Variants in COLEC10 observed in about 807,000 individuals in gnomAD.
The protein encoded by COLEC10 is collectin-10.
COLEC10 carries 22 observed loss-of-function variants against 28.4 expected under a neutral mutation model. The observed-to-expected ratio is 0.78, with a 90% CI of 0.55 to 1.11. The LOEUF (loss-of-function observed/expected upper bound fraction) is 1.11, where lower values mean the gene tolerates loss of function less well. Among genes scored for constraint, COLEC10 ranks in the 50% least tolerant of loss-of-function variants. The pLI, the probability that COLEC10 is intolerant of heterozygous loss-of-function variation, is 0.00. For synonymous variants in COLEC10, 125 were observed against 116.1 expected (o/e 1.08, Z -0.49); for missense variants, 361 against 344.1 (o/e 1.05, Z -0.39).
intron 1 of COLEC10, among the ~76,000 whole-genome samples, chr8:119,078,945 G>T (rs948413066): frequency 4.7e-5 from 7 of 149,790 alleles, no homozygotes; most frequent in Non-Finnish European, 8.9e-5. Flanking sequence ...ACAGAGTGTT[G>T]TAAATGTTTA....
At chr8:119,039,569 G>A (rs1289924130) in intron 2 of COLEC10, among the ~76,000 whole-genome samples, 1 of 152,176 alleles carries the variant, frequency 6.6e-6, no homozygotes, top group Non-Finnish European at 1.5e-5. Flanking sequence ...AATGGTATTA[G>A]TTTCTTTTTG....
At chr8:119,048,971 C>T (rs1206183545) in intron 2 of COLEC10, among the ~76,000 whole-genome samples, 1 of 152,134 alleles carries the variant, frequency 6.6e-6, no homozygotes, top group African/African-American at 2.4e-5. Context: ...GTAGCAGGTA[C>T]AGTTCCTTTG....
intron 2 of COLEC10, among the ~76,000 whole-genome samples, chr8:119,056,678 G>A (rs1018469212): frequency 3.3e-5 from 5 of 151,966 alleles, no homozygotes; most frequent in Non-Finnish European, 7.4e-5. Context: ...GTAAGCCACT[G>A]TTACTGGGTT....
In COLEC10 at chr8:119,007,483, TG is replaced by T. The variant is rs556565241; in HGVS notation, n.123-1956del. On this transcript the variant is annotated intron_variant and non_coding_transcript_variant, in intron 1 of 6. Transcript: ENST00000521788. ...AGAAATTATTGGGATTTACCCATTT[TG>T]GTTGACTAAGTAAAAGTAGCTTTCT... Among the ~76,000 whole-genome samples the T allele has an allele frequency of 1.4e-4, 20 of 147,408 alleles. 2 individuals carry two copies. The South Asian group carries it at 2.3e-3, about 17-fold the overall frequency.
Position 119,087,337 on chromosome 8 carries a change from C to A in COLEC10, c.149-2343C>A, listed in dbSNP as rs1389125663. Reference sequence around the variant, plus strand: ...TTTGGTATAAAGTGTTATTTTTAAGCAACAAAGGTAATTAGAGGGAGAATT... The same window carrying A: ...TTTGGTATAAAGTGTTATTTTTAAGAAACAAAGGTAATTAGAGGGAGAATT... On this transcript the variant is annotated intron_variant, in intron 1 of 5. Coordinates refer to ENST00000332843, the MANE Select transcript of COLEC10 (RefSeq NM_006438.5). Among the ~76,000 whole-genome samples the A allele has an allele frequency of 2.0e-5, 3 of 152,054 alleles. No homozygotes were observed. The East Asian group carries it at 5.8e-4, about 29-fold the overall frequency.
At chr8:119,000,674 G>A (rs974986554) in intron 1 of COLEC10, among the ~76,000 whole-genome samples, 1 of 152,160 alleles carries the variant, frequency 6.6e-6, no homozygotes, top group Non-Finnish European at 1.5e-5. Flanking sequence ...TGGAGGTCAG[G>A]AAATTTCTTA....
At position 119,106,206 on chromosome 8, in the gene COLEC10, C is replaced by A. The variant is rs374140390; in HGVS notation, c.*15C>A. 6.3e-7 allele frequency: 1 copy of A among 1,582,092 alleles called. No individual in the cohort carries two copies. Among genetic ancestry groups the A allele is most frequent in the African/African-American group, 1.4e-5 (1 of 73,964 alleles). ...AGAAAAAGTAACTTCCCTCATCCTACGTATTTGCTATTTTCCTGTGACCGT... is the reference window on the plus strand; with the variant it reads ...AGAAAAAGTAACTTCCCTCATCCTAAGTATTTGCTATTTTCCTGTGACCGT... On this transcript the variant is annotated 3_prime_UTR_variant, in exon 6 of 6. Coordinates refer to ENST00000332843, the MANE Select transcript of COLEC10 (RefSeq NM_006438.5).
At chr8:119,025,315 C>A (rs916835833) in intron 2 of COLEC10, among the ~76,000 whole-genome samples, 1 of 152,174 alleles carries the variant, frequency 6.6e-6, no homozygotes, top group Non-Finnish European at 1.5e-5. Context: ...AAAGCCTTAG[C>A]TGCTATTGCC....
intron 2 of COLEC10, among the ~76,000 whole-genome samples, chr8:119,049,985 TTGATTGCCTG>T (rs1324769409): frequency 6.6e-6 from 1 of 152,172 alleles, no homozygotes; most frequent in Non-Finnish European, 1.5e-5. Context: ...CAGACTGAAG[TTGATTGCCTG>T]TTCTCATGTT....
At chr8:119,042,119 C>T (rs1300656950) in intron 2 of COLEC10, among the ~76,000 whole-genome samples, 13 of 151,726 alleles carry the variant, frequency 8.6e-5, no homozygotes, top group Admixed American at 8.5e-4. Context: ...TGTTTCAGCC[C>T]CCCGAGAAGC....
chr8:119,023,268 A>T (rs866887414), intron 2 of COLEC10, among the ~76,000 whole-genome samples: 10 of 152,038 alleles, frequency 6.6e-5, no homozygotes, highest in Middle Eastern at 3.2e-3. Context: ...TTCATCCTTT[A>T]TTCATTCCCC....
At chr8:119,082,656 G>A (rs767494818) in intron 1 of COLEC10, among the ~76,000 whole-genome samples, 1 of 152,198 alleles carries the variant, frequency 6.6e-6, no homozygotes, top group South Asian at 2.1e-4. Context: ...GGTAGCACAT[G>A]AGCTGAACTG....
chr8:119,030,969 C>T (rs116934540), intron 2 of COLEC10, among the ~76,000 whole-genome samples: 6,673 of 152,212 alleles, frequency 0.044, 210 homozygotes, highest in East Asian at 0.16. Context: ...GGACTCTAAT[C>T]ATCTCAGATG....
intron 3 of COLEC10, among the ~76,000 whole-genome samples, chr8:119,100,640 G>A (rs73712722): frequency 0.015 from 2,225 of 152,254 alleles, 44 homozygotes; most frequent in African/African-American, 0.05. Flanking sequence ...TTTTCATAGC[G>A]AAGCTCAAAT....
At chr8:118,959,710 G>A in the COLEC10 span, among the ~76,000 whole-genome samples, 1 of 152,310 alleles carries the variant, frequency 6.6e-6, no homozygotes, top group Admixed American at 6.5e-5. Context: ...CTATAAACTA[G>A]TATACAAAAC....
chr8:119,075,546 G>T, intron 1 of COLEC10, among the ~76,000 whole-genome samples: 1 of 152,102 alleles, frequency 6.6e-6, no homozygotes, highest in East Asian at 1.9e-4. Flanking sequence ...CATGAGTTTA[G>T]GTCTCTTGTG....
intron 2 of COLEC10, among the ~76,000 whole-genome samples, chr8:119,013,424 A>G (rs1163992302): frequency 6.6e-6 from 1 of 150,618 alleles, no homozygotes; most frequent in Non-Finnish European, 1.5e-5. Context: ...CTTGAGAAGA[A>G]TGTGTATTCT....
chr8:118,994,994 A>G (rs568519192), upstream of COLEC10, among the ~76,000 whole-genome samples: 1 of 152,266 alleles, frequency 6.6e-6, no homozygotes, highest in South Asian at 2.1e-4. Flanking sequence ...CAAAAGGGGA[A>G]AAAAAGGAGT....
At chr8:119,012,309 G>T (rs1437433103) in intron 2 of COLEC10, among the ~76,000 whole-genome samples, 1 of 150,458 alleles carries the variant, frequency 6.6e-6, no homozygotes, top group South Asian at 2.1e-4. Context: ...TGCATACCTG[G>T]GATAAACTCA....
Sources: gnomAD v4.1 joint callset for allele counts (sites outside exome capture counted in the v4.1 genomes callset) on GRCh38, gnomAD v4.1.1 for gene constraint, MANE v1.5 for transcripts, NCBI Gene and HGNC (gene_info 2026-07-23, HGNC 2026-07-21) for gene names.